The following ZC3H7B variants were observed in gnomAD, a reference collection of about 807,000 sequenced individuals.
The protein encoded by ZC3H7B is zinc finger CCCH-type containing 7B, also known as zinc finger CCCH domain-containing protein 7B.
ZC3H7B carries 35 observed loss-of-function variants against 116.0 expected under a neutral mutation model. The observed-to-expected ratio is 0.30, with a 90% CI of 0.23 to 0.40. ZC3H7B has a LOEUF of 0.40. Among genes scored for constraint, ZC3H7B ranks in the 10% least tolerant of loss-of-function variants. The probability of loss-of-function intolerance (pLI) is 1.00; values close to 1 mark genes in which losing one functional copy is unlikely to be tolerated. For missense variants in ZC3H7B, 1,011 were observed against 1,321.5 expected, an observed-to-expected ratio of 0.77 and a Z score of 3.64; for synonymous variants, 502 against 545.6, an observed-to-expected ratio of 0.92 and a Z score of 1.11.
intron 1 of ZC3H7B, among the ~76,000 whole-genome samples, chr22:41,303,542 C>G (rs775327527): frequency 1.3e-4 from 20 of 152,096 alleles, no homozygotes; most frequent in Non-Finnish European, 2.1e-4. Flanking sequence ...TAGTTTATAA[C>G]AAAAGGGCTT....
intron 2 of ZC3H7B, among the ~76,000 whole-genome samples, chr22:41,322,367 T>G (rs2036269261): frequency 1.3e-5 from 2 of 151,492 alleles, no homozygotes; most frequent in Non-Finnish European, 2.9e-5. Flanking sequence ...TTCGTATTTT[T>G]AGTAGAGACG....
At chr22:41,353,672 G>T (rs2036680413) in intron 17 of ZC3H7B, among the ~76,000 whole-genome samples, 1 of 152,242 alleles carries the variant, frequency 6.6e-6, no homozygotes, top group Non-Finnish European at 1.5e-5. Flanking sequence ...CCTTCAAGAG[G>T]CTGACCAGGG....
intron 1 of ZC3H7B, among the ~76,000 whole-genome samples, chr22:41,319,892 G>A (rs953846109): frequency 3.3e-5 from 5 of 151,868 alleles, no homozygotes; most frequent in Non-Finnish European, 5.9e-5. Flanking sequence ...ATCTGGGTGC[G>A]TGGTAGTGCA....
chr22:41,351,867 G>A lies in ZC3H7B; in HGVS notation c.2034+221G>A, dbSNP rs1306018058. 2.0e-5 allele frequency among the ~76,000 whole-genome samples: 3 copies of A among 151,986 alleles called. No homozygotes were observed. Among genetic ancestry groups the A allele is most frequent in the Non-Finnish European group, 4.4e-5 (3 of 68,014 alleles). ...AGACAGGGTCTTGCTCTGTCACCCAGCCTGGAGTGCAGTGGTATGATCATG... is the reference window on the plus strand; with the variant it reads ...AGACAGGGTCTTGCTCTGTCACCCAACCTGGAGTGCAGTGGTATGATCATG... On this transcript the variant is annotated intron_variant, in intron 17 of 22. Transcript: ENST00000352645. This position sits in a 1 kb window ranked among gnomAD's most constrained non-coding sequence, Gnocchi z 5.1.
intron 1 of ZC3H7B, among the ~76,000 whole-genome samples, chr22:41,315,006 G>A (rs2036163289): frequency 6.7e-6 from 1 of 149,790 alleles, no homozygotes; most frequent in South Asian, 2.1e-4. Flanking sequence ...AGGTTTGTTT[G>A]GCCTATATGC....
chr22:41,332,089 C>G, intron 6 of ZC3H7B, 82 bp from the exon 7 acceptor site: 1 of 1,525,706 alleles, frequency 6.6e-7, no homozygotes, highest in Non-Finnish European at 9.0e-7. Flanking sequence ...GTGTCAGGGC[C>G]TCTTTGCTGC....
intron 1 of ZC3H7B, among the ~76,000 whole-genome samples, chr22:41,308,091 C>A (rs2036068883): frequency 6.6e-6 from 1 of 152,136 alleles, no homozygotes; most frequent in African/African-American, 2.4e-5. Context: ...CCTACCCAGT[C>A]CACAATGTGA....
intron 1 of ZC3H7B, among the ~76,000 whole-genome samples, chr22:41,313,403 T>C (rs2036143517): frequency 6.6e-6 from 1 of 152,094 alleles, no homozygotes. Flanking sequence ...TGAGCCACCG[T>C]ACCCGGCCAG....
chr22:41,317,477 G>A (rs1325103546), intron 1 of ZC3H7B, among the ~76,000 whole-genome samples: 1 of 152,072 alleles, frequency 6.6e-6, no homozygotes, highest in Non-Finnish European at 1.5e-5. Context: ...CAAACGTCCA[G>A]GCCGTAACAC....
intron 13 of ZC3H7B, among the ~76,000 whole-genome samples, chr22:41,343,791 T>A (rs1007144953): frequency 1.3e-5 from 2 of 152,152 alleles, no homozygotes; most frequent in Non-Finnish European, 2.9e-5. Flanking sequence ...CAGAGGCAGG[T>A]GGGACACATT....
In ZC3H7B at chr22:41,349,735, C is replaced by T. The variant is rs1472404446; in HGVS notation, c.1948+434C>T. ...TGCGGGGATTGGAAGGTGTTCTCCACTCACCCACCAGGGATTTACTGAGCA... is the reference window on the plus strand; with the variant it reads ...TGCGGGGATTGGAAGGTGTTCTCCATTCACCCACCAGGGATTTACTGAGCA... On this transcript the variant is annotated intron_variant, in intron 16 of 22. Transcript: ENST00000352645. The surrounding 1 kb of genome is among the most constrained non-coding windows in gnomAD (Gnocchi z 4.9). Among the ~76,000 whole-genome samples, 1 of 152,206 alleles carries T rather than the reference C, an allele frequency of 6.6e-6. No homozygotes were observed. The highest frequency in any genetic ancestry group is 1.5e-5 in the Non-Finnish European group (1 of 68,038).
At chr22:41,303,968 A>C (rs1202863273) in intron 1 of ZC3H7B, among the ~76,000 whole-genome samples, 1 of 152,216 alleles carries the variant, frequency 6.6e-6, no homozygotes, top group Non-Finnish European at 1.5e-5. Context: ...CGTGTTAGCC[A>C]GGATGGTCTT....
chr22:41,344,245 C>T (rs1316998872), intron 13 of ZC3H7B, among the ~76,000 whole-genome samples: 1 of 152,200 alleles, frequency 6.6e-6, no homozygotes, highest in African/African-American at 2.4e-5. Flanking sequence ...CACGGCTCTG[C>T]CTCTCCCCCA....
At chr22:41,318,988 G>A (rs1015120353) in intron 1 of ZC3H7B, among the ~76,000 whole-genome samples, 1 of 152,186 alleles carries the variant, frequency 6.6e-6, no homozygotes, top group African/African-American at 2.4e-5. Flanking sequence ...GTCAAAGTGA[G>A]CCAGGCGCAG....
intron 2 of ZC3H7B, 72 bp downstream of exon 2, chr22:41,320,785 C>A: frequency 6.3e-7 from 1 of 1,589,718 alleles, no homozygotes; most frequent in Non-Finnish European, 8.6e-7. Flanking sequence ...CATGCCCTCC[C>A]AGCGCTCCCT....
intron 1 of ZC3H7B, among the ~76,000 whole-genome samples, chr22:41,319,072 T>C (rs570205242): frequency 6.6e-6 from 1 of 152,146 alleles, no homozygotes; most frequent in African/African-American, 2.4e-5. Flanking sequence ...CGTTTGAGAC[T>C]AGCCTGGCCA....
intron 1 of ZC3H7B, among the ~76,000 whole-genome samples, chr22:41,307,504 T>C (rs2036059912): frequency 6.6e-6 from 1 of 152,186 alleles, no homozygotes; most frequent in Non-Finnish European, 1.5e-5. Flanking sequence ...AGAGCGCTTG[T>C]TCCCTTCAGA....
In ZC3H7B at chr22:41,338,944, C is replaced by T. The variant is rs957575165; in HGVS notation, c.626-57C>T. The T allele has an allele frequency of 1.4e-6, 2 of 1,460,330 alleles. No homozygotes were observed. The highest frequency in any genetic ancestry group is 1.8e-6 in the Non-Finnish European group (2 of 1,103,988). The allele number at this position is 1,460,330 out of a possible 1,614,324, so 90.5% of individuals were successfully genotyped here. On this transcript the variant is annotated intron_variant, in intron 8 of 22. Transcript: ENST00000352645. This position sits in a 1 kb window ranked among gnomAD's most constrained non-coding sequence, Gnocchi z 4.5. Reference sequence around the variant, plus strand: ...ATGAGCATCACGGGGCCCGGGACGCCTCCTCCACCCTCACCAAGCAGTGCT... The same window carrying T: ...ATGAGCATCACGGGGCCCGGGACGCTTCCTCCACCCTCACCAAGCAGTGCT...
At chr22:41,326,171 C>T (rs1711739222) in intron 4 of ZC3H7B, among the ~76,000 whole-genome samples, 1 of 152,230 alleles carries the variant, frequency 6.6e-6, no homozygotes, top group Non-Finnish European at 1.5e-5. Context: ...CTAGCCCTAG[C>T]CCTGCCCTAG....
Sources: allele counts gnomAD v4.1 joint callset (sites outside exome capture counted in the v4.1 genomes callset), GRCh38; gene constraint gnomAD v4.1.1; non-coding constraint Gnocchi (gnomAD v3.1); transcripts MANE v1.5; gene names NCBI Gene and HGNC (gene_info 2026-07-23, HGNC 2026-07-21).